KIRREL3: variants seen among roughly 807,000 people sequenced by gnomAD.
KIRREL3 encodes the protein kirre like nephrin family adhesion molecule 3.
Under a neutral mutation model 89.7 loss-of-function variants are expected in KIRREL3, and 36 were observed. The ratio of observed to expected loss-of-function variants is 0.40; its 90% CI spans 0.31 to 0.53. The LOEUF is 0.53. Among genes scored for constraint, KIRREL3 ranks in the 20% least tolerant of loss-of-function variants. The pLI is 0.49. For synonymous variants in KIRREL3, 445 were observed against 441.4 expected, an observed-to-expected ratio of 1.01 and a Z score of -0.10; for missense variants, 864 against 1,056.6, an observed-to-expected ratio of 0.82 and a Z score of 2.53.
At chr11:126,426,802 C>T (rs1223267988) in intron 15 of KIRREL3, among the ~76,000 whole-genome samples, 2 of 152,202 alleles carry the variant, frequency 1.3e-5, no homozygotes, top group Non-Finnish European at 2.9e-5. Context: ...AGCCAAAGTG[C>T]GGCCACCCGG....
At chr11:126,599,578 T>C (rs551077819) in intron 1 of KIRREL3, among the ~76,000 whole-genome samples, 10 of 152,284 alleles carry the variant, frequency 6.6e-5, no homozygotes, top group African/African-American at 2.4e-4. Context: ...ATTTGTCTTT[T>C]CCATCAAATG....
chr11:126,713,493 C>T (rs1255314363), intron 1 of KIRREL3, among the ~76,000 whole-genome samples: 1 of 152,116 alleles, frequency 6.6e-6, no homozygotes, highest in Non-Finnish European at 1.5e-5. Context: ...GAAGATGGGG[C>T]AGGAGGCCAT....
intron 1 of KIRREL3, among the ~76,000 whole-genome samples, chr11:126,648,371 A>G (rs1944775757): frequency 6.6e-6 from 1 of 152,082 alleles, no homozygotes; most frequent in African/African-American, 2.4e-5. Flanking sequence ...GGGTCTTTGC[A>G]CTTATGCAGT....
chr11:126,461,334 A>C (rs1471393709), intron 6 of KIRREL3, among the ~76,000 whole-genome samples: 1 of 152,252 alleles, frequency 6.6e-6, no homozygotes, highest in Non-Finnish European at 1.5e-5. Flanking sequence ...GTGAGGGGGA[A>C]GAGCCGAGGG....
rs146869991 is a variant in KIRREL3 at position 126,515,108 on chromosome 11, G to A, written c.433+6207C>T. The stretch of plus-strand genomic sequence containing the variant: ...TGAAAACAGTTACTCTCAACATAGC[G>A]TGTCGAGACCTGTAATCAAGGTGCA... On this transcript the variant is annotated intron_variant, in intron 4 of 16. Transcript: ENST00000525144. The surrounding 1 kb of genome is among the most constrained non-coding windows in gnomAD (Gnocchi z 4.2). Among the ~76,000 whole-genome samples the A allele has an allele frequency of 1.0e-3, 158 of 152,248 alleles. No individual in the cohort carries two copies. Among genetic ancestry groups the A allele is most frequent in the Admixed American group, 1.8e-3 (27 of 15,292 alleles).
At chr11:126,760,887 G>A (rs1949647317) in intron 1 of KIRREL3, among the ~76,000 whole-genome samples, 1 of 152,192 alleles carries the variant, frequency 6.6e-6, no homozygotes, top group African/African-American at 2.4e-5. Context: ...TTTATAGGCT[G>A]GAAAGTTGCA....
At position 126,750,339 on chromosome 11, in the gene KIRREL3, G is replaced by C. The variant is rs1949293324; in HGVS notation, c.56-187427C>G. Among the ~76,000 whole-genome samples, 1 of 152,158 alleles carries C rather than the reference G, an allele frequency of 6.6e-6. No homozygotes were observed. The highest frequency in any genetic ancestry group is 6.5e-5 in the Admixed American group (1 of 15,280). On this transcript the variant is annotated intron_variant, in intron 1 of 16. Coordinates refer to ENST00000525144, the MANE Select transcript of KIRREL3 (RefSeq NM_032531.4). This position sits in a 1 kb window ranked among gnomAD's most constrained non-coding sequence, Gnocchi z 4.2. ...GTGGCATGAGGATGTTCTCAACTATGGCACTCTGGTTGTAAATATGTTTGA... is the reference window on the plus strand; with the variant it reads ...GTGGCATGAGGATGTTCTCAACTATCGCACTCTGGTTGTAAATATGTTTGA...
At chr11:126,767,224 C>T (rs552492428) in intron 1 of KIRREL3, among the ~76,000 whole-genome samples, 11 of 152,348 alleles carry the variant, frequency 7.2e-5, no homozygotes, top group Admixed American at 2.0e-4. Flanking sequence ...TACCTGACAT[C>T]CCGCCCAAGG....
intron 1 of KIRREL3, among the ~76,000 whole-genome samples, chr11:126,957,513 C>A (rs1007649390): frequency 6.6e-6 from 1 of 152,224 alleles, no homozygotes; most frequent in African/African-American, 2.4e-5. Context: ...ATCCATCCTA[C>A]CTGATATTCA....
At chr11:126,589,419 C>T (rs942346201) in intron 1 of KIRREL3, among the ~76,000 whole-genome samples, 2 of 152,164 alleles carry the variant, frequency 1.3e-5, no homozygotes, top group African/African-American at 4.8e-5. Flanking sequence ...CTGTGGCAGC[C>T]GCCCTCCGCC....
chr11:126,442,819 T>A (rs1036194385), intron 10 of KIRREL3, among the ~76,000 whole-genome samples: 17 of 152,300 alleles, frequency 1.1e-4, no homozygotes, highest in African/African-American at 3.6e-4. Context: ...GCCACCCTAG[T>A]CAAGAAATAA....
intron 1 of KIRREL3, among the ~76,000 whole-genome samples, chr11:126,692,052 C>T (rs975271856): frequency 3.9e-5 from 6 of 152,102 alleles, no homozygotes; most frequent in Non-Finnish European, 8.8e-5. Flanking sequence ...GAAATTGGGA[C>T]CCTTGTGCAC....
chr11:126,819,920 G>A (rs541664545), intron 1 of KIRREL3, among the ~76,000 whole-genome samples: 18 of 152,282 alleles, frequency 1.2e-4, no homozygotes, highest in Admixed American at 9.2e-4. Context: ...CTTGATCAGG[G>A]TCCAGGACAC....
chr11:126,938,498 C>T (rs1220870950), intron 1 of KIRREL3, among the ~76,000 whole-genome samples: 1 of 152,244 alleles, frequency 6.6e-6, no homozygotes, highest in Admixed American at 6.5e-5. Flanking sequence ...CCATTCTAAA[C>T]TGGCATGTGT....
chr11:126,931,199 C>T lies in KIRREL3; in HGVS notation c.55+69256G>A, dbSNP rs1224110530. On this transcript the variant is annotated intron_variant, in intron 1 of 16. Coordinates refer to ENST00000525144, the MANE Select transcript of KIRREL3 (RefSeq NM_032531.4). The surrounding 1 kb of genome is among the most constrained non-coding windows in gnomAD (Gnocchi z 5.1). ...CCAGTAAGCTCTTTGAGGGAAAGTC[C>T]TGTTTCTTGGACACTGTTGTTTCTT... Among the ~76,000 whole-genome samples, 1 of 152,060 alleles carries T rather than the reference C, an allele frequency of 6.6e-6. No homozygotes were observed. Among genetic ancestry groups the T allele is most frequent in the Non-Finnish European group, 1.5e-5 (1 of 68,024 alleles).
At chr11:126,637,794 C>A (rs1260273456) in intron 1 of KIRREL3, among the ~76,000 whole-genome samples, 3 of 152,172 alleles carry the variant, frequency 2.0e-5, no homozygotes, top group Non-Finnish European at 2.9e-5. Context: ...TCCATCTATC[C>A]ATCTAGGAAA....
chr11:126,979,873 C>A (rs1949676416), intron 1 of KIRREL3, among the ~76,000 whole-genome samples: 1 of 152,106 alleles, frequency 6.6e-6, no homozygotes, highest in Non-Finnish European at 1.5e-5. Flanking sequence ...GTATCTTTCC[C>A]ATTCATTCAT....
At position 126,940,158 on chromosome 11, in the gene KIRREL3, T is replaced by C. The variant is rs1262784415; in HGVS notation, c.55+60297A>G. On this transcript the variant is annotated intron_variant, in intron 1 of 16. Coordinates refer to ENST00000525144, the MANE Select transcript of KIRREL3 (RefSeq NM_032531.4). This position sits in a 1 kb window ranked among gnomAD's most constrained non-coding sequence, Gnocchi z 4.6. The stretch of plus-strand genomic sequence containing the variant: ...GGACCACAGGCAGGTCAGAATGCCC[T>C]AGCACTTCCACAAACAGCCTGCTCT... 6.6e-6 allele frequency among the ~76,000 whole-genome samples: 1 copy of C among 152,178 alleles called. No individual in the cohort carries two copies. Among genetic ancestry groups the C allele is most frequent in the African/African-American group, 2.4e-5 (1 of 41,444 alleles).
rs575718824 is a variant in KIRREL3 at position 126,474,160 on chromosome 11, G to A, written c.434-694C>T. Among the ~76,000 whole-genome samples the A allele has an allele frequency of 1.3e-5, 2 of 152,234 alleles. No homozygotes were observed. The highest frequency in any genetic ancestry group is 4.1e-4 in the South Asian group (2 of 4,824). Reference sequence around the variant, plus strand: ...GATGGGGTTTCACCATGTTGGCCAGGCTGGTCTCGAACTCCTGACCTCAGG... The same window carrying A: ...GATGGGGTTTCACCATGTTGGCCAGACTGGTCTCGAACTCCTGACCTCAGG... On this transcript the variant is annotated intron_variant, in intron 4 of 16. Coordinates refer to ENST00000525144, the MANE Select transcript of KIRREL3 (RefSeq NM_032531.4). This position sits in a 1 kb window ranked among gnomAD's most constrained non-coding sequence, Gnocchi z 6.7.
Sources: allele counts gnomAD v4.1 joint callset (sites outside exome capture counted in the v4.1 genomes callset), GRCh38; gene constraint gnomAD v4.1.1; non-coding constraint Gnocchi (gnomAD v3.1); transcripts MANE v1.5; gene names NCBI Gene and HGNC (gene_info 2026-07-23, HGNC 2026-07-21).